Variants in MOXD1 observed in about 807,000 individuals in gnomAD.
The protein encoded by MOXD1 is monooxygenase DBH like 1.
A neutral mutation model predicts 66.6 loss-of-function variants in MOXD1; 62 were observed. The observed-to-expected ratio is 0.93, with a 90% CI of 0.76 to 1.15. The LOEUF (loss-of-function observed/expected upper bound fraction) is 1.15, where lower values mean the gene tolerates loss of function less well. Among genes scored for constraint, MOXD1 ranks in the 50% most tolerant of loss-of-function variants. The pLI is 0.00. For missense variants in MOXD1, 847 were observed against 754.6 expected, an observed-to-expected ratio of 1.12 and a Z score of -1.44; for synonymous variants, 303 against 281.9, an observed-to-expected ratio of 1.07 and a Z score of -0.75.
At chr6:132,300,756 C>T (rs537147535) in intron 10 of MOXD1, among the ~76,000 whole-genome samples, 9 of 152,160 alleles carry the variant, frequency 5.9e-5, no homozygotes, top group Non-Finnish European at 1.0e-4. Context: ...AGCCCAATGG[C>T]GCGTATGTTG....
intron 1 of MOXD1, chr6:132,392,371 C>A: frequency 6.6e-7 from 1 of 1,518,864 alleles, no homozygotes; most frequent in South Asian, 1.3e-5. Flanking sequence ...AAGGGTGAAT[C>A]AATTTTCATG....
At chr6:132,323,015 C>A in intron 7 of MOXD1, 145 bp from the exon 8 acceptor site, 2 of 779,126 alleles carry the variant, frequency 2.6e-6, no homozygotes, top group East Asian at 2.9e-5. Context: ...AGTTTGAATT[C>A]GGATTGTTCA....
rs759897553 is a variant in MOXD1 at position 132,297,844 on chromosome 6, C to A, written c.1620G>T (p.Leu540=). 10 of 1,613,322 alleles carry A rather than the reference C, an allele frequency of 6.2e-6. No individual in the cohort carries two copies. The highest frequency in any genetic ancestry group is 8.5e-6 in the Non-Finnish European group (10 of 1,179,600). The part of the protein sequence containing the change: ...TKKEGLSFNK[L]VLSLPVNVRC... ...TCACATTCACTGGCAGGCTGAGGACCAGCTTGTTGAAGGAGAGACCTTCCT... is the reference window on the plus strand; with the variant it reads ...TCACATTCACTGGCAGGCTGAGGACAAGCTTGTTGAAGGAGAGACCTTCCT... The change falls in exon 11 of 12, where the codon CTG becomes CTT. Residue 540 remains leucine, a synonymous_variant. Transcript: ENST00000367963.
intron 4 of MOXD1, among the ~76,000 whole-genome samples, chr6:132,333,313 G>C (rs1775364583): frequency 7.4e-6 from 1 of 134,440 alleles, no homozygotes; most frequent in Non-Finnish European, 1.5e-5. Context: ...TCCAGCCTGG[G>C]CTACAGAGTG....
chr6:132,400,423 T>C (rs936577628), intron 1 of MOXD1, among the ~76,000 whole-genome samples: 11 of 152,162 alleles, frequency 7.2e-5, no homozygotes, highest in African/African-American at 2.4e-4. Context: ...CTTTTTTTTT[T>C]TCTTTCTATT....
rs148209400 is a variant in MOXD1 at position 132,355,435 on chromosome 6, A to T, written c.663+17173T>A. Among the ~76,000 whole-genome samples, 307 of 152,256 alleles carry T rather than the reference A, an allele frequency of 2.0e-3. 2 individuals are homozygous for T. The highest frequency in any genetic ancestry group is 7.2e-3 in the African/African-American group (298 of 41,548). ...AGACCTTCAGGGGTTGGAGTCTATC[A>T]CCATTCTCCGGTATGTAGGCTGGGC... On this transcript the variant is annotated intron_variant, in intron 4 of 11. Transcript: ENST00000367963.
At chr6:132,316,382 G>A (rs997190914) in intron 9 of MOXD1, among the ~76,000 whole-genome samples, 1 of 152,068 alleles carries the variant, frequency 6.6e-6, no homozygotes, top group African/African-American at 2.4e-5. Context: ...GAAATGGATT[G>A]TAAGATTGAT....
chr6:132,352,631 T>C lies in MOXD1; in HGVS notation c.663+19977A>G, dbSNP rs191380667. 3.9e-3 allele frequency among the ~76,000 whole-genome samples: 590 copies of C among 152,328 alleles called. 3 individuals are homozygous for C. The highest frequency in any genetic ancestry group is 0.034 in the Middle Eastern group (10 of 294). On this transcript the variant is annotated intron_variant, in intron 4 of 11. Transcript: ENST00000367963. The stretch of plus-strand genomic sequence containing the variant: ...TGCAGTTGTTGGATGAAATGTTCTG[T>C]ATATATCTGTTAAGTCCATTTGTTC...
At chr6:132,344,655 T>C (rs1304403510) in intron 4 of MOXD1, among the ~76,000 whole-genome samples, 2 of 152,146 alleles carry the variant, frequency 1.3e-5, no homozygotes, top group Non-Finnish European at 2.9e-5. Flanking sequence ...CTAATTGGTG[T>C]TTTACGCTGT....
At chr6:132,337,164 C>T (rs111868992) in intron 4 of MOXD1, among the ~76,000 whole-genome samples, 4 of 152,314 alleles carry the variant, frequency 2.6e-5, no homozygotes, top group African/African-American at 9.6e-5. Flanking sequence ...TCAAGTTTTC[C>T]TCTTAATAAA....
At chr6:132,384,628 A>T (rs1776588610) in intron 1 of MOXD1, among the ~76,000 whole-genome samples, 1 of 152,206 alleles carries the variant, frequency 6.6e-6, no homozygotes, top group Non-Finnish European at 1.5e-5. Context: ...GCTAAGAAGT[A>T]AACCACAATT....
At chr6:132,325,583 C>T (rs1174711837) in intron 6 of MOXD1, among the ~76,000 whole-genome samples, 2 of 152,210 alleles carry the variant, frequency 1.3e-5, no homozygotes, top group Non-Finnish European at 2.9e-5. Context: ...TGTACTTGTA[C>T]TTCTCAGCAT....
rs139822734 is a variant in MOXD1, at chr6:132,330,845, G to A, written c.664-2251C>T. Reference sequence around the variant, plus strand: ...AGCAAGGGGGGAAATGGTATGTAGTGGGTCGTGTCTGAATGGGCAGCCAAG... The same window carrying A: ...AGCAAGGGGGGAAATGGTATGTAGTAGGTCGTGTCTGAATGGGCAGCCAAG... On this transcript the variant is annotated intron_variant, in intron 4 of 11. Transcript: ENST00000367963. Among the ~76,000 whole-genome samples the A allele has an allele frequency of 2.1e-3, 326 of 152,242 alleles. 1 individual carries two copies. The highest frequency in any genetic ancestry group is 3.5e-3 in the Non-Finnish European group (238 of 68,002).
intron 1 of MOXD1, among the ~76,000 whole-genome samples, chr6:132,400,242 G>T (rs1776990891): frequency 6.6e-6 from 1 of 152,132 alleles, no homozygotes; most frequent in African/African-American, 2.4e-5. Flanking sequence ...GAACAATTCG[G>T]AGTTTTCATC....
chr6:132,385,367 T>C (rs1027312590), intron 1 of MOXD1, among the ~76,000 whole-genome samples: 5 of 152,078 alleles, frequency 3.3e-5, no homozygotes, highest in African/African-American at 1.2e-4. Context: ...TTTGAGTATA[T>C]ACCAGTCAGA....
intron 1 of MOXD1, among the ~76,000 whole-genome samples, chr6:132,376,580 C>T (rs1180332547): frequency 1.2e-5 from 1 of 86,296 alleles, no homozygotes; most frequent in Non-Finnish European, 1.7e-5. Context: ...GTGGCGGGAT[C>T]TCGGCTCACT....
chr6:132,322,950 G>A, intron 7 of MOXD1, 80 bp from the exon 8 acceptor site: 13 of 1,202,842 alleles, frequency 1.1e-5, no homozygotes, highest in Non-Finnish European at 1.5e-5. Context: ...ACACTTGGAG[G>A]GACAACTGAG....
intron 4 of MOXD1, among the ~76,000 whole-genome samples, chr6:132,358,965 C>T (rs1369533839): frequency 1.3e-5 from 2 of 152,116 alleles, no homozygotes; most frequent in Admixed American, 6.6e-5. Context: ...ATATCACATA[C>T]ATTTAAATTA....
At chr6:132,356,630 G>A (rs1289503439) in intron 4 of MOXD1, among the ~76,000 whole-genome samples, 1 of 152,096 alleles carries the variant, frequency 6.6e-6, no homozygotes, top group Non-Finnish European at 1.5e-5. Flanking sequence ...TGCATCAAAA[G>A]TGTATGGCTG....
Sources: gnomAD v4.1 joint callset for allele counts (sites outside exome capture counted in the v4.1 genomes callset) on GRCh38, gnomAD v4.1.1 for gene constraint, MANE v1.5 for transcripts, NCBI Gene and HGNC (gene_info 2026-07-23, HGNC 2026-07-21) for gene names.